LOXHD1: variants seen among roughly 807,000 people sequenced by gnomAD.
The protein encoded by LOXHD1 is lipoxygenase homology domain-containing protein 1.
A neutral mutation model predicts 248.2 loss-of-function variants in LOXHD1; 205 were observed. The ratio of observed to expected loss-of-function variants is 0.83; its 90% CI spans 0.74 to 0.93. The LOEUF (loss-of-function observed/expected upper bound fraction) is 0.93, where lower values mean the gene tolerates loss of function less well. LOXHD1 is among the 40% of genes least tolerant of loss of function. The probability of loss-of-function intolerance (pLI) is 0.00; values close to 1 mark genes in which losing one functional copy is unlikely to be tolerated. For missense variants in LOXHD1, 2,930 were observed against 2,971.6 expected, an observed-to-expected ratio of 0.99 and a Z score of 0.33; for synonymous variants, 1,113 against 1,162.8, an observed-to-expected ratio of 0.96 and a Z score of 0.87.
At chr18:46,625,636 C>T (rs1186115614) in intron 4 of LOXHD1, among the ~76,000 whole-genome samples, 4 of 152,178 alleles carry the variant, frequency 2.6e-5, no homozygotes, top group African/African-American at 9.7e-5. Context: ...CCATTCATCA[C>T]CCTCAAGTAA....
At chr18:46,516,567 C>T (rs1344905366) in intron 34 of LOXHD1, among the ~76,000 whole-genome samples, 1 of 152,170 alleles carries the variant, frequency 6.6e-6, no homozygotes, top group Non-Finnish European at 1.5e-5. Flanking sequence ...GCCACATCCT[C>T]ATCATCACCA....
chr18:46,477,569 G>A lies in LOXHD1; in HGVS notation c.6725C>T (p.Thr2242Ile), dbSNP rs2143416158. 1 of 1,551,730 alleles carries A rather than the reference G, an allele frequency of 6.4e-7. No homozygotes were observed. Among genetic ancestry groups the A allele is most frequent in the South Asian group, 1.2e-5 (1 of 84,064 alleles). Reference sequence around the variant, plus strand: ...GAAGATGGTGGCCACGCCGGTGCTGGTGTTGGTGACCTCCACCTTCTCCAC... The same window carrying A: ...GAAGATGGTGGCCACGCCGGTGCTGATGTTGGTGACCTCCACCTTCTCCAC... ...WLVEKVEVTN[T>I]STGVATIFNC... Residue 2242 changes from threonine to isoleucine, a missense_variant, in exon 41 of 41, where the codon ACC (threonine) becomes ATC (isoleucine). Coordinates refer to ENST00000642948, the MANE Select transcript of LOXHD1 (RefSeq NM_001384474.1).
intron 34 of LOXHD1, among the ~76,000 whole-genome samples, chr18:46,511,667 G>A (rs946284914): frequency 2.6e-5 from 4 of 152,180 alleles, no homozygotes; most frequent in Non-Finnish European, 4.4e-5. Context: ...TACAAAGCCC[G>A]GGAAGGGTTA....
Position 46,649,143 on chromosome 18 carries a change from G to A in LOXHD1, c.245+12C>T. Reference sequence around the variant, plus strand: ...TGGCCCAGGATCCCACCAAGGCCAAGTGGGTACTCACTTGCTGGTGAGCTG... The same window carrying A: ...TGGCCCAGGATCCCACCAAGGCCAAATGGGTACTCACTTGCTGGTGAGCTG... On this transcript the variant is annotated intron_variant, in intron 2 of 40. Coordinates refer to ENST00000642948, the MANE Select transcript of LOXHD1 (RefSeq NM_001384474.1). 1.3e-6 allele frequency: 2 copies of A among 1,549,690 alleles called. No homozygotes were observed. Among genetic ancestry groups the A allele is most frequent in the Non-Finnish European group, 1.7e-6 (2 of 1,145,136 alleles).
rs2036869835 is a variant in LOXHD1, at chr18:46,546,944, C to T, written c.3465G>A (p.Arg1155=). ...SYVLPQSEEG[R]GGGDNNPLDN... is the part of the protein sequence containing the mutation. ...CGAGGGGGTTGTTGTCACCGCCTCC[C>T]CTACCCTCCTCGCTCTGTGGCAGCA... Residue 1155 remains arginine (R), a synonymous_variant, in exon 22 of 41, where the codon AGG becomes AGA. Transcript: ENST00000642948. The T allele has an allele frequency of 6.4e-7, 1 of 1,551,512 alleles. No homozygotes were observed. The highest frequency in any genetic ancestry group is 1.4e-5 in the African/African-American group (1 of 73,034).
intron 8 of LOXHD1, among the ~76,000 whole-genome samples, chr18:46,596,160 A>G (rs1036545588): frequency 1.3e-5 from 2 of 152,124 alleles, no homozygotes; most frequent in African/African-American, 2.4e-5. Context: ...TTTTGTCATT[A>G]TCTTTAAAAA....
intron 21 of LOXHD1, among the ~76,000 whole-genome samples, 156 bp from the exon 22 acceptor site, chr18:46,547,214 A>G (rs2036887938): frequency 6.6e-6 from 1 of 152,168 alleles, no homozygotes; most frequent in South Asian, 2.1e-4. Flanking sequence ...CAGCCTGGGA[A>G]TCACTCCATT....
At chr18:46,638,562 G>A (rs1249148969) in intron 4 of LOXHD1, among the ~76,000 whole-genome samples, 4 of 152,288 alleles carry the variant, frequency 2.6e-5, no homozygotes, top group African/African-American at 7.2e-5. Context: ...GAACCCAGGA[G>A]GCAGAGATCA....
intron 6 of LOXHD1, among the ~76,000 whole-genome samples, chr18:46,607,340 T>A (rs1247553910): frequency 6.7e-6 from 1 of 150,334 alleles, no homozygotes; most frequent in Non-Finnish European, 1.5e-5. Flanking sequence ...CATATATACA[T>A]GTACATATAC....
intron 4 of LOXHD1, among the ~76,000 whole-genome samples, chr18:46,635,680 C>G (rs1047047766): frequency 6.6e-6 from 1 of 152,168 alleles, no homozygotes; most frequent in African/African-American, 2.4e-5. Context: ...ATGTTAATAT[C>G]TACTAGTGTA....
At chr18:46,586,139 C>T (rs991447690) in intron 12 of LOXHD1, among the ~76,000 whole-genome samples, 1 of 152,040 alleles carries the variant, frequency 6.6e-6, no homozygotes, top group African/African-American at 2.4e-5. Flanking sequence ...TTGAAATAAA[C>T]TAAATTTAAA....
In LOXHD1 at chr18:46,591,982, T is replaced by C. The variant is rs770710016; in HGVS notation, c.1605A>G (p.Ile535Met). 38 of 1,551,976 alleles carry C rather than the reference T, an allele frequency of 2.4e-5. No individual in the cohort carries two copies. The highest frequency in any genetic ancestry group is 3.9e-5 in the Admixed American group (2 of 50,994). ...WLDANEDDNE[I>M]VREMTAEGPT... is the part of the protein sequence containing the mutation. ...GGCCTTCTGCAGTCATTTCCCTCACTATCTCATTGTCATCCTCATTGGCAT... is the reference window on the plus strand; with the variant it reads ...GGCCTTCTGCAGTCATTTCCCTCACCATCTCATTGTCATCCTCATTGGCAT... The change falls in exon 12 of 41, where the codon ATA becomes ATG. Residue 535 changes from isoleucine (I) to methionine (M), a missense_variant. Ile to Met is a conservative substitution (Grantham distance 10). Coordinates refer to ENST00000642948, the MANE Select transcript of LOXHD1 (RefSeq NM_001384474.1).
Position 46,524,716 on chromosome 18 carries a change from A to T in LOXHD1, c.4732T>A (p.Tyr1578Asn). The change falls in exon 30 of 41, where the codon TAC (tyrosine) becomes AAC (asparagine). Residue 1578 changes from tyrosine to asparagine, a missense_variant. Tyr to Asn is a moderately radical substitution (Grantham distance 143, BLOSUM62 -2). Coordinates refer to ENST00000642948, the MANE Select transcript of LOXHD1 (RefSeq NM_001384474.1). ...TATACCCCTTGGCTCACCTTCTCGT[A>T]AAAGAGCCTCTCGAGTCGCCCATCC... ...KEDGRLERLF[Y>N]EKEYTGDRSS... The T allele has an allele frequency of 6.4e-7, 1 of 1,551,720 alleles. No individual in the cohort carries two copies. Among genetic ancestry groups the T allele is most frequent in the Non-Finnish European group, 8.7e-7 (1 of 1,146,998 alleles).
chr18:46,479,763 G>GAAA (rs11366561), intron 40 of LOXHD1, among the ~76,000 whole-genome samples: 53 of 125,994 alleles, frequency 4.2e-4, no homozygotes, highest in Non-Finnish European at 6.1e-4. Flanking sequence ...ATTCTTAACA[G>GAAA]AAAAAAAAAA....
At chr18:46,499,445 G>T (rs1007200580) in intron 37 of LOXHD1, among the ~76,000 whole-genome samples, 1 of 152,176 alleles carries the variant, frequency 6.6e-6, no homozygotes, top group African/African-American at 2.4e-5. Context: ...TGAAAGTTTA[G>T]AGATCTAGGA....
chr18:46,486,018 TCTC>T (rs1486855298), intron 38 of LOXHD1, among the ~76,000 whole-genome samples: 1 of 151,946 alleles, frequency 6.6e-6, no homozygotes, highest in African/African-American at 2.4e-5. Context: ...CTCACCTCCT[TCTC>T]ATCCTTACTC....
chr18:46,645,732 A>G lies in LOXHD1; in HGVS notation c.245+3423T>C, dbSNP rs187279755. Reference sequence around the variant, plus strand: ...AAAGGCAAAGAAAATCAGCACTGGTACTGAAGTTCCTCTTGGAGAAGGAAT... The same window carrying G: ...AAAGGCAAAGAAAATCAGCACTGGTGCTGAAGTTCCTCTTGGAGAAGGAAT... On this transcript the variant is annotated intron_variant, in intron 2 of 40. Coordinates refer to ENST00000642948, the MANE Select transcript of LOXHD1 (RefSeq NM_001384474.1). 2.7e-4 allele frequency among the ~76,000 whole-genome samples: 41 copies of G among 152,310 alleles called. 1 individual carries two copies. Among genetic ancestry groups the G allele is most frequent in the Admixed American group, 2.3e-3 (35 of 15,304 alleles).
chr18:46,620,492 T>C (rs531425186), intron 4 of LOXHD1, among the ~76,000 whole-genome samples: 1 of 152,328 alleles, frequency 6.6e-6, no homozygotes, highest in East Asian at 1.9e-4. Context: ...TCGCCAATAT[T>C]CTGAATCATT....
rs2037466032 is a variant in LOXHD1, at chr18:46,559,571, C to G, written c.3093G>C (p.Gly1031=). ...RNTYEVQVVT[G]NVPKAGTDAN... ...CATCAGTGCCGGCCTTGGGCACATT[C>G]CCCGTGACCACCTGAACCTCATAGG... Residue 1031 remains glycine (G), a synonymous_variant, in exon 20 of 41, where the codon GGG becomes GGC. Transcript: ENST00000642948. The G allele has an allele frequency of 6.4e-7, 1 of 1,551,750 alleles. No individual in the cohort carries two copies.
Sources: gnomAD v4.1 joint callset for allele counts (sites outside exome capture counted in the v4.1 genomes callset) on GRCh38, gnomAD v4.1.1 for gene constraint, MANE v1.5 for transcripts, NCBI Gene and HGNC (gene_info 2026-07-23, HGNC 2026-07-21) for gene names.